The following AP3B1 variants were observed in gnomAD, a reference collection of about 807,000 sequenced individuals.
AP3B1 encodes AP-3 complex subunit beta-1.
In AP3B1, 61 loss-of-function variants were observed where a neutral mutation model predicts 132.5. The observed-to-expected ratio is 0.46, with a 90% CI of 0.37 to 0.57. AP3B1 has a LOEUF of 0.57. Ranked by LOEUF, AP3B1 falls within the 20% of genes least tolerant of loss-of-function variation. The pLI, the probability that AP3B1 is intolerant of heterozygous loss-of-function variation, is 0.00. For synonymous variants in AP3B1, 388 were observed against 438.3 expected, an observed-to-expected ratio of 0.89 and a Z score of 1.43; for missense variants, 1,120 against 1,289.4, an observed-to-expected ratio of 0.87 and a Z score of 2.01.
intron 21 of AP3B1, among the ~76,000 whole-genome samples, chr5:78,096,266 G>A (rs1379367570): frequency 6.6e-6 from 1 of 152,220 alleles, no homozygotes; most frequent in African/African-American, 2.4e-5. Flanking sequence ...GCCAGCCTTG[G>A]CCTCCAGAGG....
At position 78,291,804 on chromosome 5, in the gene AP3B1, C is replaced by A. The variant is rs1749536211; in HGVS notation, c.128+2648G>T. ...GGAAAAAAATGCTTGGGAAAAAAAA[C>A]ACTTTATTGGAACAAAGGATAAAAT... is the stretch of plus-strand genomic sequence containing the variant. On this transcript the variant is annotated intron_variant, in intron 1 of 26. Coordinates refer to ENST00000255194, the MANE Select transcript of AP3B1 (RefSeq NM_003664.5). Among the ~76,000 whole-genome samples the A allele has an allele frequency of 3.3e-5, 5 of 151,994 alleles. No homozygotes were observed. In the South Asian group the frequency reaches 6.2e-4, roughly 19 times the overall value.
At chr5:78,012,451 C>T (rs1746660929) in intron 26 of AP3B1, among the ~76,000 whole-genome samples, 1 of 152,004 alleles carries the variant, frequency 6.6e-6, no homozygotes, top group Non-Finnish European at 1.5e-5. Flanking sequence ...ATGTCAATAT[C>T]TGTATAAAAA....
chr5:78,173,544 T>C (rs1015496579), intron 11 of AP3B1, among the ~76,000 whole-genome samples: 13 of 152,150 alleles, frequency 8.5e-5, no homozygotes, highest in South Asian at 2.1e-4. Context: ...TTGAAGTCTA[T>C]TTTATCAGAG....
At chr5:78,104,890 G>A (rs1751271354) in intron 20 of AP3B1, among the ~76,000 whole-genome samples, 1 of 152,070 alleles carries the variant, frequency 6.6e-6, no homozygotes, top group Non-Finnish European at 1.5e-5. Context: ...TATAACCTGA[G>A]ATAAAAACAA....
intron 22 of AP3B1, among the ~76,000 whole-genome samples, chr5:78,076,878 T>G (rs1749789465): frequency 6.6e-6 from 1 of 152,230 alleles, no homozygotes; most frequent in Non-Finnish European, 1.5e-5. Context: ...TCCTAGAATC[T>G]GCCCTAGGTG....
At chr5:78,257,134 C>T (rs1289123702) in intron 2 of AP3B1, among the ~76,000 whole-genome samples, 3 of 152,156 alleles carry the variant, frequency 2.0e-5, no homozygotes, top group Non-Finnish European at 4.4e-5. Flanking sequence ...CCACTGTCAT[C>T]TCTGTTATTC....
At chr5:78,287,292 T>C (rs976468107) in intron 1 of AP3B1, among the ~76,000 whole-genome samples, 7 of 152,160 alleles carry the variant, frequency 4.6e-5, no homozygotes, top group Admixed American at 3.9e-4. Context: ...CATATCCTAC[T>C]GTCAAGAAAG....
intron 7 of AP3B1, among the ~76,000 whole-genome samples, chr5:78,206,321 T>A (rs2112460502): frequency 6.6e-6 from 1 of 152,292 alleles, no homozygotes; most frequent in African/African-American, 2.4e-5. Flanking sequence ...GGAGGTGTAC[T>A]CCTGAGATAA....
At chr5:78,160,871 C>G (rs1024956018) in intron 13 of AP3B1, among the ~76,000 whole-genome samples, 3 of 151,912 alleles carry the variant, frequency 2.0e-5, no homozygotes, top group Admixed American at 1.3e-4. Flanking sequence ...CTGAGCCAGA[C>G]TTCCAAACTA....
intron 21 of AP3B1, among the ~76,000 whole-genome samples, chr5:78,097,746 C>G (rs942885932): frequency 2.0e-5 from 3 of 152,074 alleles, no homozygotes; most frequent in Admixed American, 1.3e-4. Flanking sequence ...TGAGGAGCCC[C>G]TCTGCCCGGC....
chr5:78,049,265 G>A lies in AP3B1; in HGVS notation c.2578-9991C>T, dbSNP rs189441446. 3.1e-3 allele frequency among the ~76,000 whole-genome samples: 472 copies of A among 152,258 alleles called. 2 individuals are homozygous for A. Among genetic ancestry groups the A allele is most frequent in the South Asian group, 7.7e-3 (37 of 4,820 alleles). On this transcript the variant is annotated intron_variant, in intron 22 of 26. Transcript: ENST00000255194. ...CTTGGGCATCTTGGGGAGAAAGGTG[G>A]TAACGTGCAAGAATTAGGTATTTCA...
At chr5:78,112,305 T>C (rs1252390422) in intron 19 of AP3B1, among the ~76,000 whole-genome samples, 18 of 152,210 alleles carry the variant, frequency 1.2e-4, no homozygotes, top group Admixed American at 1.1e-3. Context: ...AATATGTTGT[T>C]GTTTTTCCCT....
At chr5:78,233,476 C>T (rs1294886075) in intron 3 of AP3B1, among the ~76,000 whole-genome samples, 1 of 151,752 alleles carries the variant, frequency 6.6e-6, no homozygotes, top group African/African-American at 2.4e-5. Flanking sequence ...CTCAGGTGAT[C>T]CGCCCACCCC....
intron 8 of AP3B1, among the ~76,000 whole-genome samples, chr5:78,178,232 A>C (rs1268614707): frequency 2.0e-5 from 3 of 152,214 alleles, no homozygotes; most frequent in Admixed American, 6.5e-5. Context: ...AAGAAACTCC[A>C]TTAAAACAAA....
At chr5:78,265,951 CAT>C (rs1345455197) in intron 2 of AP3B1, among the ~76,000 whole-genome samples, 1 of 152,164 alleles carries the variant, frequency 6.6e-6, no homozygotes, top group Non-Finnish European at 1.5e-5. Flanking sequence ...TAAAATGTCA[CAT>C]GTGTTTCTTA....
At position 78,294,676 on chromosome 5, in the gene AP3B1, G is replaced by T. The variant is rs752359387; in HGVS notation, c.-97C>A. On this transcript the variant is annotated 5_prime_UTR_variant, in exon 1 of 27. Transcript: ENST00000255194. ...ACGGAACAAAACTAGTTCTCGTACG[G>T]AGGAGCGCGCGCAGGCGCTTCCGGA... The T allele has an allele frequency of 2.5e-6, 4 of 1,588,650 alleles. No individual in the cohort carries two copies. Among genetic ancestry groups the T allele is most frequent in the Non-Finnish European group, 2.6e-6 (3 of 1,167,602 alleles).
intron 13 of AP3B1, among the ~76,000 whole-genome samples, chr5:78,159,701 C>T (rs568803568): frequency 3.9e-5 from 6 of 152,312 alleles, no homozygotes; most frequent in South Asian, 2.1e-4. Context: ...TCTTTTTCCA[C>T]GTAAGGTAAC....
intron 20 of AP3B1, among the ~76,000 whole-genome samples, chr5:78,101,998 G>A (rs939841900): frequency 1.3e-4 from 19 of 151,990 alleles, no homozygotes; most frequent in African/African-American, 4.1e-4. Flanking sequence ...CAATAGGTAT[G>A]TATAGAATTT....
intron 2 of AP3B1, among the ~76,000 whole-genome samples, chr5:78,248,038 T>C (rs1190778169): frequency 6.6e-6 from 1 of 152,210 alleles, no homozygotes; most frequent in African/African-American, 2.4e-5. Context: ...TCTATAGCAA[T>C]AGCGGTTTAA....
Sources: allele counts gnomAD v4.1 joint callset (sites outside exome capture counted in the v4.1 genomes callset), GRCh38; gene constraint gnomAD v4.1.1; transcripts MANE v1.5; gene names NCBI Gene and HGNC (gene_info 2026-07-23, HGNC 2026-07-21).